Variants in MAPK6 observed in about 807,000 individuals in gnomAD.
MAPK6 encodes ERK-3.
Under a neutral mutation model 59.3 loss-of-function variants are expected in MAPK6, and 19 were observed. The observed-to-expected ratio is 0.32, with a 90% confidence interval of 0.22 to 0.47. The LOEUF (loss-of-function observed/expected upper bound fraction) is 0.47. Among genes scored for constraint, MAPK6 ranks in the 20% least tolerant of loss-of-function variants. The probability of loss-of-function intolerance (pLI) is 1.00; values close to 1 mark genes in which losing one functional copy is unlikely to be tolerated. For missense variants in MAPK6, 724 were observed against 847.9 expected (o/e 0.85, Z 1.81); for synonymous variants, 316 against 290.3 (o/e 1.09, Z -0.90).
At chr15:51,993,394 A>G (rs890264908) in intron 2 of MAPK6, among the ~76,000 whole-genome samples, 1 of 152,194 alleles carries the variant, frequency 6.6e-6, no homozygotes, top group African/African-American at 2.4e-5. Context: ...ATACCTTACG[A>G]TGTCACAGAC....
chr15:52,037,768 T>C (rs2031290928), intron 1 of MAPK6, among the ~76,000 whole-genome samples: 1 of 152,222 alleles, frequency 6.6e-6, no homozygotes, highest in African/African-American at 2.4e-5. Context: ...GATCAGATTC[T>C]GAAAAATTCG....
In MAPK6 at chr15:52,064,420, C is replaced by G. The variant is rs1326357446; in HGVS notation, c.1586C>G (p.Ser529Cys). The G allele has an allele frequency of 6.2e-7, 1 of 1,611,750 alleles. No individual in the cohort carries two copies. Residue 529 changes from serine to cysteine, a missense_variant, in exon 6 of 6, where the codon TCC becomes TGC. This residue lies in a region of MAPK6 where 502 missense variants were observed against 507.6 expected (regional missense o/e 0.99). Transcript: ENST00000261845. ...AAGAATCAGGGATTTGATTTTGATT[C>G]CTTTATTGCAGGAACTATTCAGCTT... ...REKNQGFDFD[S>C]FIAGTIQLSS...
At chr15:51,979,693 T>C (rs1011122090) in intron 1 of MAPK6, among the ~76,000 whole-genome samples, 1 of 151,744 alleles carries the variant, frequency 6.6e-6, no homozygotes, top group Non-Finnish European at 1.5e-5. Flanking sequence ...CTTGGAAGAC[T>C]GAGATGGGAG....
In MAPK6 at chr15:51,979,830, G is replaced by A. The variant is rs150553273; in HGVS notation, c.-879-3376G>A. Among the ~76,000 whole-genome samples the A allele has an allele frequency of 1.1e-4, 16 of 151,706 alleles. No homozygotes were observed. In the East Asian group the frequency reaches 3.1e-3, roughly 29 times the overall value. On this transcript the variant is annotated intron_variant, in intron 1 of 7. Transcript: ENST00000691380. ...AGTAAAAAAATGTGAATATGTGTGT[G>A]TGTCTAGCATGTAAACAGAGAGACT...
chr15:52,051,306 C>T (rs2031770891), intron 3 of MAPK6, among the ~76,000 whole-genome samples: 1 of 152,082 alleles, frequency 6.6e-6, no homozygotes, highest in African/African-American at 2.4e-5. Flanking sequence ...ATCCACCCGC[C>T]TCGGCCTCCC....
chr15:51,980,667 T>G (rs1445961776), intron 1 of MAPK6, among the ~76,000 whole-genome samples: 3 of 151,132 alleles, frequency 2.0e-5, no homozygotes, highest in African/African-American at 7.3e-5. Context: ...CTTGGCTCAC[T>G]GCAACCTCCA....
intron 3 of MAPK6, among the ~76,000 whole-genome samples, chr15:52,052,888 C>A (rs974559198): frequency 3.3e-5 from 5 of 152,056 alleles, no homozygotes; most frequent in African/African-American, 1.2e-4. Flanking sequence ...GTTTTCAGTT[C>A]TCTTGGGTAT....
intron 1 of MAPK6, among the ~76,000 whole-genome samples, chr15:52,043,926 C>T (rs952366738): frequency 4.0e-5 from 6 of 151,404 alleles, no homozygotes; most frequent in African/African-American, 9.7e-5. Context: ...CAGGCATGCG[C>T]CACCACGCCT....
At chr15:51,994,590 A>G (rs775707353) in intron 2 of MAPK6, among the ~76,000 whole-genome samples, 1 of 152,258 alleles carries the variant, frequency 6.6e-6, no homozygotes, top group Non-Finnish European at 1.5e-5. Context: ...GAGGAATGGA[A>G]TATTTACATA....
intron 1 of MAPK6, among the ~76,000 whole-genome samples, chr15:52,040,080 C>G (rs2141894974): frequency 6.6e-6 from 1 of 152,312 alleles, no homozygotes; most frequent in African/African-American, 2.4e-5. Context: ...AGGGCTTTGT[C>G]AAAAATGCAG....
rs11295636 is a variant in MAPK6, at chr15:52,030,611, C to CTTTTTTTTTTTTTTTTTTTTTT, written c.-632+11244_-632+11265dup. Among the ~76,000 whole-genome samples, 3 of 35,742 alleles carry CTTTTTTTTTTTTTTTTTTTTTT rather than the reference C, an allele frequency of 8.4e-5. 1 individual carries two copies. Among genetic ancestry groups the CTTTTTTTTTTTTTTTTTTTTTT allele is most frequent in the African/African-American group, 3.4e-4 (3 of 8,778 alleles). The allele number at this position is 35,742 out of a possible 152,430, so 23.4% of individuals were successfully genotyped here. A position where few individuals can be genotyped will look rare whatever the true frequency, so the allele number is the denominator to read the frequency against. On this transcript the variant is annotated intron_variant, in intron 1 of 5. Transcript: ENST00000261845. ...TGTGTTTTAGTTATGCAGAAGAAGG[C>CTTTTTTTTTTTTTTTTTTTTTT]TTTTTTTTTTTTTTTTTTTTTTTTT...
chr15:52,004,770 G>A (rs1372180551), intron 3 of MAPK6, among the ~76,000 whole-genome samples: 1 of 152,160 alleles, frequency 6.6e-6, no homozygotes, highest in Non-Finnish European at 1.5e-5. Context: ...ATTCATGAGA[G>A]TGGAGCCCCC....
At chr15:52,058,562 A>G in intron 3 of MAPK6, 71 bp from the exon 4 acceptor site, 1 of 1,268,032 alleles carries the variant, frequency 7.9e-7, no homozygotes, top group Non-Finnish European at 1.1e-6. Context: ...TATTTAAATT[A>G]GTTTAGTATG....
At chr15:52,063,814 GCA>G in intron 5 of MAPK6, 86 bp from the exon 6 acceptor site, 3 of 1,196,404 alleles carry the variant, frequency 2.5e-6, no homozygotes, top group Non-Finnish European at 3.5e-6. Context: ...CATAGACCTA[GCA>G]CAGTGCTGTC....
intron 1 of MAPK6, among the ~76,000 whole-genome samples, chr15:51,972,561 C>T (rs1185721059): frequency 6.6e-6 from 1 of 150,758 alleles, no homozygotes. Flanking sequence ...CGGTCGCTCA[C>T]GCCTGTAATC....
intron 2 of MAPK6, 131 bp from the exon 3 acceptor site, chr15:52,049,862 C>T: frequency 1.3e-6 from 1 of 788,578 alleles, no homozygotes; most frequent in Non-Finnish European, 2.1e-6. Context: ...ATCCGCCCAC[C>T]TTGGTTTCCC....
intron 2 of MAPK6, 89 bp downstream of exon 2, chr15:52,047,104 A>G: frequency 1.0e-6 from 1 of 961,526 alleles, no homozygotes; most frequent in East Asian, 2.7e-5. Flanking sequence ...ATATTGTGGC[A>G]GAATTTTTAA....
intron 2 of MAPK6, among the ~76,000 whole-genome samples, chr15:52,049,672 T>C (rs1162457806): frequency 3.3e-5 from 5 of 149,462 alleles, no homozygotes; most frequent in Admixed American, 1.4e-4. Context: ...CGGAGTGCAG[T>C]GGCACAATCT....
chr15:52,063,872 G>C, intron 5 of MAPK6, 30 bp from the exon 6 acceptor site: 1 of 1,520,270 alleles, frequency 6.6e-7, no homozygotes, highest in Non-Finnish European at 8.8e-7. Context: ...CATATACGTA[G>C]AATAACGCTA....
Sources: allele counts gnomAD v4.1 joint callset (sites outside exome capture counted in the v4.1 genomes callset), GRCh38; gene constraint gnomAD v4.1.1; regional missense constraint gnomAD v4.1.1; transcripts MANE v1.5; gene names NCBI Gene and HGNC (gene_info 2026-07-23, HGNC 2026-07-21).